ADAM12: variants seen among roughly 807,000 people sequenced by gnomAD.
ADAM12 encodes ADAM metallopeptidase domain 12.
A neutral mutation model predicts 106.4 loss-of-function variants in ADAM12; 70 were observed. That is an observed-to-expected ratio of 0.66 (90% CI 0.54 to 0.80). ADAM12 has a LOEUF of 0.80. Ranked by LOEUF, ADAM12 falls within the 30% of genes least tolerant of loss-of-function variation. The pLI is 0.00. For missense variants in ADAM12, 1,010 were observed against 1,171.9 expected (o/e 0.86, Z 2.02); for synonymous variants, 420 against 433.5 (o/e 0.97, Z 0.39).
intron 5 of ADAM12, among the ~76,000 whole-genome samples, chr10:126,125,926 G>A (rs1165315555): frequency 6.6e-6 from 1 of 151,702 alleles, no homozygotes; most frequent in African/African-American, 2.4e-5. Flanking sequence ...GGCATAGCAG[G>A]GATGGCCAGA....
intron 1 of ADAM12, among the ~76,000 whole-genome samples, chr10:126,355,653 A>G (rs1442000520): frequency 2.0e-5 from 3 of 152,124 alleles, no homozygotes; most frequent in South Asian, 4.1e-4. Context: ...GGGCAGGGAG[A>G]ACCAGAAGCA....
intron 6 of ADAM12, among the ~76,000 whole-genome samples, chr10:126,112,050 G>A (rs1013171381): frequency 3.9e-5 from 6 of 152,178 alleles, no homozygotes; most frequent in African/African-American, 9.7e-5. Context: ...CATACACCAC[G>A]GAATACTATG....
rs539781466 is a variant in ADAM12 at position 126,149,679 on chromosome 10, C to T, written c.339+5548G>A. ...GAGTTTTCTGGCCTTTACCTTTCTCCCGTGCTGAATGTTTCCTGCCCTTGA... is the reference window on the plus strand; with the variant it reads ...GAGTTTTCTGGCCTTTACCTTTCTCTCGTGCTGAATGTTTCCTGCCCTTGA... On this transcript the variant is annotated intron_variant, in intron 4 of 22. Transcript: ENST00000448723. Among the ~76,000 whole-genome samples the T allele has an allele frequency of 1.4e-4, 21 of 152,300 alleles. No homozygotes were observed. In the South Asian group the frequency reaches 2.1e-3, roughly 15 times the overall value.
At chr10:126,205,360 A>G (rs1172808661) in intron 3 of ADAM12, among the ~76,000 whole-genome samples, 1 of 151,986 alleles carries the variant, frequency 6.6e-6, no homozygotes, top group Non-Finnish European at 1.5e-5. Flanking sequence ...AACCCTGTGT[A>G]CTTTAGGCCA....
chr10:126,320,048 C>T (rs1017067247), intron 2 of ADAM12, among the ~76,000 whole-genome samples: 2 of 152,138 alleles, frequency 1.3e-5, no homozygotes, highest in South Asian at 2.1e-4. Flanking sequence ...AGGAAGGGGA[C>T]GAAAACCTTC....
At chr10:126,128,227 A>G (rs1956237962) in intron 5 of ADAM12, among the ~76,000 whole-genome samples, 1 of 152,122 alleles carries the variant, frequency 6.6e-6, no homozygotes, top group East Asian at 1.9e-4. Context: ...CCAATTCAGG[A>G]GAGGCCCCGG....
At chr10:126,115,829 G>A (rs1955971378) in intron 6 of ADAM12, among the ~76,000 whole-genome samples, 1 of 152,102 alleles carries the variant, frequency 6.6e-6, no homozygotes, top group South Asian at 2.1e-4. Flanking sequence ...TACCGTAGGT[G>A]CTAACCAAAA....
At chr10:126,097,753 C>G (rs1955583589) in intron 10 of ADAM12, among the ~76,000 whole-genome samples, 1 of 152,128 alleles carries the variant, frequency 6.6e-6, no homozygotes, top group African/African-American at 2.4e-5. Flanking sequence ...GGAGCACAAG[C>G]CCCCTGCTGG....
chr10:126,197,723 G>A (rs1186040399), intron 3 of ADAM12, among the ~76,000 whole-genome samples: 2 of 152,208 alleles, frequency 1.3e-5, no homozygotes, highest in Non-Finnish European at 2.9e-5. Context: ...TATATCACTG[G>A]TGCCCAACAA....
chr10:126,037,202 C>G (rs1196987669), intron 20 of ADAM12, among the ~76,000 whole-genome samples: 2 of 151,370 alleles, frequency 1.3e-5, no homozygotes, highest in African/African-American at 4.9e-5. Context: ...TTCCATTGTG[C>G]AAATATACCA....
intron 3 of ADAM12, among the ~76,000 whole-genome samples, chr10:126,226,531 G>A (rs945872366): frequency 6.6e-6 from 1 of 152,200 alleles, no homozygotes; most frequent in African/African-American, 2.4e-5. Flanking sequence ...ACTCTGACGG[G>A]CCTGAGCCTG....
intron 21 of ADAM12, among the ~76,000 whole-genome samples, chr10:126,027,895 G>A (rs1363412818): frequency 6.6e-6 from 1 of 152,192 alleles, no homozygotes; most frequent in African/African-American, 2.4e-5. Context: ...AATAGGAAGA[G>A]AGGAAGTCAA....
chr10:126,188,285 G>A (rs1957435076), intron 3 of ADAM12, among the ~76,000 whole-genome samples: 1 of 152,108 alleles, frequency 6.6e-6, no homozygotes, highest in Non-Finnish European at 1.5e-5. Flanking sequence ...AGTTTCTGTG[G>A]ACCTTTGCTA....
Position 126,255,189 on chromosome 10 carries a change from C to A in ADAM12, c.260+23726G>T, listed in dbSNP as rs116988748. Among the ~76,000 whole-genome samples the A allele has an allele frequency of 9.7e-3, 1,481 of 152,306 alleles. 41 individuals are homozygous for A. The East Asian group carries it at 0.12, about 12-fold the overall frequency. On this transcript the variant is annotated intron_variant, in intron 3 of 22. Coordinates refer to ENST00000448723, the MANE Select transcript of ADAM12 (RefSeq NM_001288973.2). ...CAGTGGTGTCGCCGGCCAGCTGGCA[C>A]TCAGGCTGATGTCAGGTGGTGATAA...
chr10:126,189,347 G>A (rs1024116116), intron 3 of ADAM12, among the ~76,000 whole-genome samples: 1 of 152,184 alleles, frequency 6.6e-6, no homozygotes, highest in African/African-American at 2.4e-5. Flanking sequence ...ATACGGTGGG[G>A]AGTGTAGGAA....
intron 11 of ADAM12, among the ~76,000 whole-genome samples, chr10:126,086,680 A>AAAAAAATATATATATATATATATAT (rs1554966976): frequency 4.1e-5 from 1 of 24,270 alleles, no homozygotes; most frequent in African/African-American, 3.3e-4. Context: ...AAAAAAAAAA[A>AAAAAAATATATATATATATATATAT]ATATATATAT....
At chr10:126,173,910 G>C (rs11244864) in intron 3 of ADAM12, among the ~76,000 whole-genome samples, 3 of 151,026 alleles carry the variant, frequency 2.0e-5, no homozygotes, top group South Asian at 2.1e-4. Flanking sequence ...TTAATATTTG[G>C]AAATAATTTC....
intron 21 of ADAM12, among the ~76,000 whole-genome samples, chr10:126,034,003 G>C (rs1479102980): frequency 2.0e-5 from 3 of 152,182 alleles, no homozygotes; most frequent in Non-Finnish European, 2.9e-5. Flanking sequence ...AAGTTTTAAA[G>C]ATTATGTTTG....
At position 126,149,436 on chromosome 10, in the gene ADAM12, C is replaced by T. The variant is rs1326847260; in HGVS notation, c.339+5791G>A. Among the ~76,000 whole-genome samples, 4 of 152,154 alleles carry T rather than the reference C, an allele frequency of 2.6e-5. No homozygotes were observed. In the East Asian group the frequency reaches 5.8e-4, roughly 22 times the overall value. ...AAGTGAGAAAGAAGGGGAAAAAGTACTGTGATAGTAAATATTGAGTGTCAA... is the reference window on the plus strand; with the variant it reads ...AAGTGAGAAAGAAGGGGAAAAAGTATTGTGATAGTAAATATTGAGTGTCAA... On this transcript the variant is annotated intron_variant, in intron 4 of 22. Transcript: ENST00000448723.
Sources: allele counts gnomAD v4.1 joint callset (sites outside exome capture counted in the v4.1 genomes callset), GRCh38; gene constraint gnomAD v4.1.1; transcripts MANE v1.5; gene names NCBI Gene and HGNC (gene_info 2026-07-23, HGNC 2026-07-21).